Variants in PCCB observed in about 807,000 individuals in gnomAD.
PCCB encodes propionyl-CoA carboxylase subunit beta, also known as propionyl-CoA carboxylase beta chain, mitochondrial.
In PCCB, 43 loss-of-function variants were observed where a neutral mutation model predicts 60.7. The ratio of observed to expected loss-of-function variants is 0.71; its 90% CI spans 0.55 to 0.91. The LOEUF is 0.91. Among genes scored for constraint, PCCB ranks in the 40% least tolerant of loss-of-function variants. The pLI, the probability that PCCB is intolerant of heterozygous loss-of-function variation, is 0.00. For synonymous variants in PCCB, 276 were observed against 255.9 expected (o/e 1.08, Z -0.75); for missense variants, 766 against 702.8 (o/e 1.09, Z -1.02).
intron 5 of PCCB, among the ~76,000 whole-genome samples, chr3:136,273,953 T>C (rs1942275466): frequency 6.6e-6 from 1 of 150,414 alleles, no homozygotes; most frequent in African/African-American, 2.4e-5. Context: ...CTCATTCTGC[T>C]TGCTTTTGGT....
intron 6 of PCCB, among the ~76,000 whole-genome samples, chr3:136,292,236 GT>G (rs11385401): frequency 0.013 from 1,821 of 144,998 alleles, 27 homozygotes; most frequent in East Asian, 0.049. Flanking sequence ...TGTGTCTCTA[GT>G]TTTTTTTTTT....
intron 1 of PCCB, among the ~76,000 whole-genome samples, chr3:136,254,161 G>A (rs1402692267): frequency 1.3e-5 from 2 of 151,890 alleles, no homozygotes; most frequent in African/African-American, 2.4e-5. Flanking sequence ...GGGACGGTAG[G>A]CTAGGGTATT....
chr3:136,320,288 G>A (rs1158930477), intron 10 of PCCB, among the ~76,000 whole-genome samples: 1 of 152,194 alleles, frequency 6.6e-6, no homozygotes, highest in Non-Finnish European at 1.5e-5. Flanking sequence ...ACTCTGAGTA[G>A]TATTGACACC....
At position 136,260,542 on chromosome 3, in the gene PCCB, G is replaced by A. The variant is rs201986472; in HGVS notation, c.429+7G>A. 6.4e-4 allele frequency: 1,024 copies of A among 1,607,904 alleles called. 5 individuals are homozygous for A. Among genetic ancestry groups the A allele is most frequent in the Non-Finnish European group, 7.6e-4 (891 of 1,174,670 alleles). ...TGCCCAAAAGATCTGCAAAGTAAGT[G>A]TTTAATACTCAAATTCAATCCATTG... On this transcript the variant is annotated splice_region_variant and intron_variant, in intron 4 of 14. Transcript: ENST00000251654.
chr3:136,262,253 G>T (rs1401576901), intron 5 of PCCB, among the ~76,000 whole-genome samples, 188 bp downstream of exon 5: 2 of 152,096 alleles, frequency 1.3e-5, no homozygotes, highest in African/African-American at 2.4e-5. Context: ...GGAAGAGAGG[G>T]TTTTCATTTT....
intron 5 of PCCB, among the ~76,000 whole-genome samples, chr3:136,264,050 C>T (rs111974460): frequency 3.3e-5 from 5 of 151,712 alleles, no homozygotes; most frequent in African/African-American, 9.7e-5. Flanking sequence ...AGAAAAATGA[C>T]AAGAATAGTA....
At chr3:136,282,301 A>G (rs1942496543) in intron 5 of PCCB, among the ~76,000 whole-genome samples, 1 of 152,240 alleles carries the variant, frequency 6.6e-6, no homozygotes, top group Admixed American at 6.5e-5. Context: ...AGTAGACTCC[A>G]GAGTTCAAAA....
intron 5 of PCCB, among the ~76,000 whole-genome samples, chr3:136,274,060 G>A (rs952768077): frequency 6.6e-6 from 1 of 151,532 alleles, no homozygotes; most frequent in African/African-American, 2.4e-5. Context: ...CAGATATTTG[G>A]TTTGTGATTT....
intron 1 of PCCB, chr3:136,252,538 T>G (rs1941546222): frequency 3.1e-6 from 1 of 327,298 alleles, no homozygotes; most frequent in Non-Finnish European, 6.0e-6. Context: ...TTTTTTTTTT[T>G]TTTCCTTGAG....
At chr3:136,306,476 A>G (rs1369996931) in intron 9 of PCCB, among the ~76,000 whole-genome samples, 2 of 122,150 alleles carry the variant, frequency 1.6e-5, no homozygotes, top group African/African-American at 5.0e-5. Context: ...AAAGTAGATA[A>G]ATAGCCTAAA....
At chr3:136,252,028 C>T (rs1384718641) in intron 1 of PCCB, among the ~76,000 whole-genome samples, 1 of 151,654 alleles carries the variant, frequency 6.6e-6, no homozygotes, top group African/African-American at 2.4e-5. Context: ...CAGGTGCCCA[C>T]GACCATGCCT....
At position 136,326,874 on chromosome 3, in the gene PCCB, C is replaced by T. The variant is rs1560033510; in HGVS notation, c.1162C>T (p.Leu388Phe). 2 of 1,612,730 alleles carry T rather than the reference C, an allele frequency of 1.2e-6. No individual in the cohort carries two copies. The highest frequency in any genetic ancestry group is 1.7e-6 in the Non-Finnish European group (2 of 1,178,796). The stretch of plus-strand genomic sequence containing the variant: ...ATTCTGTGATGCATTCAATATTCCA[C>T]TCATCACTTTTGTTGATGTCCCTGG... Reference protein sequence around the residue: ...VRFCDAFNIPLITFVDVPGFL... With the variant: ...VRFCDAFNIPFITFVDVPGFL... The change falls in exon 11 of 15, where the codon CTC (leucine) becomes TTC (phenylalanine). Residue 388 changes from leucine (L) to phenylalanine (F), a missense_variant. By Grantham distance (22) the Leu-to-Phe change is conservative (BLOSUM62 0). Coordinates refer to ENST00000251654, the MANE Select transcript of PCCB (RefSeq NM_000532.5).
intron 6 of PCCB, among the ~76,000 whole-genome samples, chr3:136,286,913 A>C (rs1204476192): frequency 2.0e-5 from 3 of 151,960 alleles, no homozygotes; most frequent in South Asian, 2.1e-4. Flanking sequence ...TGCTTGTAAT[A>C]CCAGCTACTC....
At chr3:136,257,728 G>A (rs1279639936) in intron 3 of PCCB, among the ~76,000 whole-genome samples, 1 of 152,154 alleles carries the variant, frequency 6.6e-6, no homozygotes, top group Non-Finnish European at 1.5e-5. Flanking sequence ...CCTGAGGTCA[G>A]GAGTTTGAGA....
chr3:136,295,906 G>A (rs1006251652), intron 7 of PCCB, among the ~76,000 whole-genome samples: 4 of 151,306 alleles, frequency 2.6e-5, no homozygotes, highest in Admixed American at 2.0e-4. Flanking sequence ...TTCTTCTGTA[G>A]CACAATCTCA....
intron 2 of PCCB, chr3:136,256,238 CT>C (rs915954818): frequency 1.8e-6 from 1 of 570,644 alleles, no homozygotes; most frequent in African/African-American, 1.9e-5. Flanking sequence ...CGACCGTACC[CT>C]GCCTTGTGTT....
At position 136,328,834 on chromosome 3, in the gene PCCB, A is replaced by G. The variant is rs200295011; in HGVS notation, c.1475A>G (p.Asn492Ser). 1.4e-5 allele frequency: 23 copies of G among 1,614,084 alleles called. No homozygotes were observed. Among genetic ancestry groups the G allele is most frequent in the Non-Finnish European group, 1.8e-5 (21 of 1,179,906 alleles). ...AQAEYIEKFANPFPAAVRGFV... is the reference protein window; with the variant it reads ...AQAEYIEKFASPFPAAVRGFV... ...GCAGAGTACATCGAGAAGTTTGCCA[A>G]CCCTTTCCCTGCAGCAGTGCGAGGT... The change falls in exon 14 of 15, where the codon AAC becomes AGC. Residue 492 changes from asparagine to serine, a missense_variant. By Grantham distance (46) the Asn-to-Ser change is conservative. Coordinates refer to ENST00000251654, the MANE Select transcript of PCCB (RefSeq NM_000532.5).
At chr3:136,301,164 C>T in intron 9 of PCCB, 53 bp downstream of exon 9, 2 of 1,417,088 alleles carry the variant, frequency 1.4e-6, no homozygotes, top group South Asian at 1.2e-5. Context: ...CATTCATGGG[C>T]ATTGTGCTTC....
intron 3 of PCCB, among the ~76,000 whole-genome samples, 158 bp downstream of exon 3, chr3:136,256,781 G>A (rs1941681327): frequency 6.6e-6 from 1 of 152,198 alleles, no homozygotes; most frequent in South Asian, 2.1e-4. Flanking sequence ...AGAATATTGT[G>A]TGTTTTTTAC....
Sources: allele counts gnomAD v4.1 joint callset (sites outside exome capture counted in the v4.1 genomes callset), GRCh38; gene constraint gnomAD v4.1.1; transcripts MANE v1.5; gene names NCBI Gene and HGNC (gene_info 2026-07-23, HGNC 2026-07-21).